The following CLNK variants were observed in gnomAD, a reference collection of about 807,000 sequenced individuals.
CLNK encodes cytokine-dependent hematopoietic cell linker.
Under a neutral mutation model 68.6 loss-of-function variants are expected in CLNK, and 74 were observed. The ratio of observed to expected loss-of-function variants is 1.08; its 90% CI spans 0.89 to 1.31. The LOEUF (loss-of-function observed/expected upper bound fraction) is 1.31, where lower values mean the gene tolerates loss of function less well. CLNK is among the 50% of genes most tolerant of loss of function. The pLI, the probability that CLNK is intolerant of heterozygous loss-of-function variation, is 0.00. For missense variants in CLNK, 553 were observed against 515.3 expected, an observed-to-expected ratio of 1.07 and a Z score of -0.71; for synonymous variants, 198 against 172.2, an observed-to-expected ratio of 1.15 and a Z score of -1.17.
chr4:10,555,377 A>T (rs28696325), intron 8 of CLNK, among the ~76,000 whole-genome samples: 50,591 of 152,110 alleles, frequency 0.33, 8,836 homozygotes, highest in South Asian at 0.43. Flanking sequence ...TTTCTCTAGA[A>T]AAATAAACCA....
intron 5 of CLNK, 112 bp from the exon 6 acceptor site, chr4:10,566,262 A>G: frequency 9.7e-7 from 1 of 1,034,996 alleles, no homozygotes; most frequent in Middle Eastern, 2.2e-4. Flanking sequence ...CAAGTTAAAT[A>G]TTTAAGAATC....
intron 1 of CLNK, among the ~76,000 whole-genome samples, chr4:10,679,318 G>A (rs1164725085): frequency 6.6e-6 from 1 of 152,190 alleles, no homozygotes; most frequent in Non-Finnish European, 1.5e-5. Context: ...GCCATATGTA[G>A]AAAGCTGAAA....
the CLNK span, among the ~76,000 whole-genome samples, chr4:10,726,007 C>T: frequency 6.6e-6 from 1 of 152,154 alleles, no homozygotes; most frequent in African/African-American, 2.4e-5. Context: ...TTCTGGGGAC[C>T]AGAGGCTGTG....
the CLNK span, among the ~76,000 whole-genome samples, chr4:10,726,419 C>T: frequency 6.6e-6 from 1 of 152,076 alleles, no homozygotes; most frequent in Non-Finnish European, 1.5e-5. Context: ...ATGCCTGGCC[C>T]TATGTGTGTA....
At chr4:10,498,109 C>T (rs1173586264) in intron 18 of CLNK, among the ~76,000 whole-genome samples, 1 of 147,914 alleles carries the variant, frequency 6.8e-6, no homozygotes, top group Non-Finnish European at 1.5e-5. Context: ...GCAGGAGAAT[C>T]GCTTGAACCC....
the CLNK span, among the ~76,000 whole-genome samples, chr4:10,720,879 A>T: frequency 6.6e-6 from 1 of 151,820 alleles, no homozygotes; most frequent in Non-Finnish European, 1.5e-5. Flanking sequence ...AAAAATTGGT[A>T]CACAAATTAA....
intron 11 of CLNK, among the ~76,000 whole-genome samples, chr4:10,534,082 C>G (rs1718652308): frequency 6.6e-6 from 1 of 152,080 alleles, no homozygotes; most frequent in Non-Finnish European, 1.5e-5. Context: ...GTTGGTTGAA[C>G]ATTTGTTGAA....
the CLNK span, among the ~76,000 whole-genome samples, chr4:10,699,264 T>TACACACACACACCATGTATGTGTGTATAC: frequency 1.4e-5 from 1 of 69,964 alleles, no homozygotes; most frequent in Non-Finnish European, 2.8e-5. Flanking sequence ...TATGTGTGTA[T>TACACACACACACCATGTATGTGTGTATAC]ACACACACAC....
At chr4:10,621,470 G>A (rs1722456336) in intron 2 of CLNK, among the ~76,000 whole-genome samples, 1 of 152,168 alleles carries the variant, frequency 6.6e-6, no homozygotes, top group Non-Finnish European at 1.5e-5. Context: ...TCCAGTGGGT[G>A]TCCTTTGAGT....
intron 4 of CLNK, 84 bp from the exon 5 acceptor site, chr4:10,571,862 A>G (rs1720368191): frequency 9.3e-7 from 1 of 1,080,478 alleles, no homozygotes; most frequent in Non-Finnish European, 1.4e-6. Flanking sequence ...GTTTTTCTCC[A>G]GAAATCTTTT....
chr4:10,554,618 G>A (rs1460902133), intron 8 of CLNK, among the ~76,000 whole-genome samples: 1 of 152,178 alleles, frequency 6.6e-6, no homozygotes, highest in East Asian at 1.9e-4. Flanking sequence ...CTTTGAATGA[G>A]CATTATATCA....
the CLNK span, among the ~76,000 whole-genome samples, chr4:10,708,053 C>A: frequency 0.065 from 9,913 of 152,184 alleles, 469 homozygotes; most frequent in East Asian, 0.13. Context: ...GGGTTCCAGA[C>A]AATGGAATAG....
intron 8 of CLNK, among the ~76,000 whole-genome samples, chr4:10,551,700 C>T (rs530528837): frequency 4.6e-5 from 7 of 152,268 alleles, no homozygotes; most frequent in South Asian, 2.1e-4. Flanking sequence ...ATGGGGCTTA[C>T]GGGCTTATTG....
At chr4:10,538,727 T>C (rs955357462) in intron 11 of CLNK, among the ~76,000 whole-genome samples, 1 of 152,196 alleles carries the variant, frequency 6.6e-6, no homozygotes, top group African/African-American at 2.4e-5. Context: ...TCAGGTACTG[T>C]GCCAGGTTAT....
intron 4 of CLNK, among the ~76,000 whole-genome samples, chr4:10,583,547 A>G (rs1197161274): frequency 6.6e-6 from 1 of 152,148 alleles, no homozygotes; most frequent in Non-Finnish European, 1.5e-5. Context: ...GGCCTCCCAA[A>G]GTGCTGGGAC....
At position 10,580,087 on chromosome 4, in the gene CLNK, C is replaced by T. The variant is rs1049685304; in HGVS notation, c.112+4840G>A. ...TTAAACTCTCTACTGCTTAAAACCA[C>T]CCCACATGTGTCCATGTTGTTTTAT... On this transcript the variant is annotated intron_variant, in intron 4 of 18. Coordinates refer to ENST00000226951, the MANE Select transcript of CLNK (RefSeq NM_052964.4). Among the ~76,000 whole-genome samples, 11 of 152,318 alleles carry T rather than the reference C, an allele frequency of 7.2e-5. No individual in the cohort carries two copies. The South Asian group carries it at 2.1e-3, about 29-fold the overall frequency.
intron 2 of CLNK, among the ~76,000 whole-genome samples, chr4:10,627,253 C>T (rs537583444): frequency 2.6e-5 from 4 of 152,220 alleles, no homozygotes; most frequent in Admixed American, 2.0e-4. Flanking sequence ...GGTGTTGGAA[C>T]ACAATTGCCA....
In CLNK at chr4:10,601,167, C is replaced by T. The variant is rs139462365; in HGVS notation, c.12-3118G>A. 9.5e-4 allele frequency among the ~76,000 whole-genome samples: 145 copies of T among 152,192 alleles called. 1 individual carries two copies. Among genetic ancestry groups the T allele is most frequent in the Admixed American group, 4.3e-3 (65 of 15,274 alleles). ...TGGAGAGCATTTAGTTCCAGGTGGC[C>T]AGGCTAGTTGGGGGTAGAACCAGGG... On this transcript the variant is annotated intron_variant, in intron 2 of 18. Transcript: ENST00000226951.
At position 10,620,441 on chromosome 4, in the gene CLNK, G is replaced by A. The variant is rs535512696; in HGVS notation, c.12-22392C>T. ...ACTTAACTGTCAAACAATCGTCACT[G>A]ATTTTATCTAAGCCACTCAGTAGGA... On this transcript the variant is annotated intron_variant, in intron 2 of 18. Transcript: ENST00000226951. 2.6e-5 allele frequency among the ~76,000 whole-genome samples: 4 copies of A among 152,236 alleles called. No homozygotes were observed. In the South Asian group the frequency reaches 8.3e-4, roughly 32 times the overall value.
Sources: gnomAD v4.1 joint callset for allele counts (sites outside exome capture counted in the v4.1 genomes callset) on GRCh38, gnomAD v4.1.1 for gene constraint, MANE v1.5 for transcripts, NCBI Gene and HGNC (gene_info 2026-07-23, HGNC 2026-07-21) for gene names.